FSTL4: variants seen among roughly 807,000 people sequenced by gnomAD.
FSTL4 encodes follistatin like 4.
Under a neutral mutation model 78.2 loss-of-function variants are expected in FSTL4, and 28 were observed. The ratio of observed to expected loss-of-function variants is 0.36; its 90% confidence interval spans 0.27 to 0.49. The LOEUF (loss-of-function observed/expected upper bound fraction) is 0.49, where lower values mean the gene tolerates loss of function less well. Among genes scored for constraint, FSTL4 ranks in the 20% least tolerant of loss-of-function variants. The pLI is 0.98. For missense variants in FSTL4, 922 were observed against 1,084.9 expected, an observed-to-expected ratio of 0.85 and a Z score of 2.11; for synonymous variants, 422 against 440.5, an observed-to-expected ratio of 0.96 and a Z score of 0.53.
At chr5:133,481,775 C>T (rs1054092455) in intron 3 of FSTL4, among the ~76,000 whole-genome samples, 46 of 152,104 alleles carry the variant, frequency 3.0e-4, no homozygotes, top group African/African-American at 8.9e-4. Context: ...CAGAGCAACC[C>T]GGAATTGACC....
At chr5:133,720,702 C>G in the FSTL4 span, 1 of 153,068 alleles carries the variant, frequency 6.5e-6, no homozygotes, top group Non-Finnish European at 1.5e-5. Flanking sequence ...CTTCATGCCA[C>G]TGAGGATCAT....
the FSTL4 span, among the ~76,000 whole-genome samples, chr5:133,770,414 G>C: frequency 6.6e-6 from 1 of 151,958 alleles, no homozygotes; most frequent in Non-Finnish European, 1.5e-5. Context: ...TTTAATAATA[G>C]CCATTCTGAT....
chr5:133,554,897 C>T (rs1006066791), intron 3 of FSTL4, among the ~76,000 whole-genome samples: 5 of 152,170 alleles, frequency 3.3e-5, no homozygotes, highest in African/African-American at 1.2e-4. Context: ...TGCATATTGA[C>T]GGCAGGGTCA....
At chr5:133,237,974 A>T (rs1001329634) in intron 7 of FSTL4, among the ~76,000 whole-genome samples, 2 of 152,194 alleles carry the variant, frequency 1.3e-5, no homozygotes, top group Non-Finnish European at 2.9e-5. Context: ...TTTCTGGGAA[A>T]GAGACAATTT....
chr5:133,456,686 A>T (rs1486798218), intron 3 of FSTL4, among the ~76,000 whole-genome samples: 1 of 149,512 alleles, frequency 6.7e-6, no homozygotes, highest in African/African-American at 2.6e-5. Context: ...AGTTGTACTT[A>T]AAAAAACAAA....
intron 6 of FSTL4, among the ~76,000 whole-genome samples, chr5:133,297,885 G>T (rs769696941): frequency 6.6e-6 from 1 of 152,152 alleles, no homozygotes; most frequent in Non-Finnish European, 1.5e-5. Flanking sequence ...GTGCAGCGTC[G>T]GGACCAACAG....
At chr5:133,217,091 A>G (rs1424477910) in intron 13 of FSTL4, 138 bp downstream of exon 13, 1 of 650,762 alleles carries the variant, frequency 1.5e-6, no homozygotes, top group Admixed American at 2.8e-5. Flanking sequence ...TACTTCACGA[A>G]TAATTACACA....
the FSTL4 span, among the ~76,000 whole-genome samples, chr5:133,623,921 G>A: frequency 4.0e-5 from 6 of 151,896 alleles, no homozygotes; most frequent in African/African-American, 1.2e-4. Context: ...CCACCACAAG[G>A]AAGGCTATAA....
the FSTL4 span, among the ~76,000 whole-genome samples, chr5:133,691,752 A>G: frequency 4.4e-4 from 67 of 152,032 alleles, no homozygotes; most frequent in Non-Finnish European, 7.5e-4. Flanking sequence ...TGCTCTGTAA[A>G]TAGTGTCAAC....
intron 6 of FSTL4, chr5:133,312,411 C>A (rs1217957161): frequency 9.4e-6 from 5 of 533,618 alleles, no homozygotes; most frequent in Non-Finnish European, 1.7e-5. Flanking sequence ...CAGTCCTGGG[C>A]CCCTCAAAGA....
At chr5:133,701,414 A>AAG in the FSTL4 span, among the ~76,000 whole-genome samples, 156 of 150,570 alleles carry the variant, frequency 1.0e-3, no homozygotes, top group African/African-American at 3.5e-3. Context: ...AAAAAAAAAA[A>AAG]AAAGAAAGAA....
chr5:133,580,939 C>G (rs947016509), intron 2 of FSTL4, among the ~76,000 whole-genome samples: 1 of 152,130 alleles, frequency 6.6e-6, no homozygotes, highest in African/African-American at 2.4e-5. Flanking sequence ...GAGGAACTTC[C>G]GACTCCTACC....
the FSTL4 span, among the ~76,000 whole-genome samples, chr5:133,663,223 A>C: frequency 6.6e-6 from 1 of 152,244 alleles, no homozygotes; most frequent in African/African-American, 2.4e-5. Flanking sequence ...ACACGAATAC[A>C]TATCAAAACT....
At chr5:133,822,772 C>T in the FSTL4 span, among the ~76,000 whole-genome samples, 1 of 152,176 alleles carries the variant, frequency 6.6e-6, no homozygotes, top group African/African-American at 2.4e-5. Flanking sequence ...GACCCACGAA[C>T]TCTAACGCCA....
intron 7 of FSTL4, among the ~76,000 whole-genome samples, chr5:133,237,312 C>G (rs961594478): frequency 6.6e-6 from 1 of 152,182 alleles, no homozygotes; most frequent in Non-Finnish European, 1.5e-5. Flanking sequence ...AAGCCCATCG[C>G]GCATGGATTC....
intron 2 of FSTL4, among the ~76,000 whole-genome samples, chr5:133,588,074 C>A (rs1760546079): frequency 1.2e-5 from 1 of 85,648 alleles, no homozygotes; most frequent in Admixed American, 1.3e-4. Context: ...GGAAAACTGG[C>A]TAGCCATATG....
intron 4 of FSTL4, among the ~76,000 whole-genome samples, chr5:133,326,493 T>C (rs1754215822): frequency 6.6e-6 from 1 of 152,168 alleles, no homozygotes; most frequent in Non-Finnish European, 1.5e-5. Context: ...TGTGGCGGTG[T>C]TTATGCCTGT....
chr5:133,341,566 C>A (rs1003914174), intron 4 of FSTL4, among the ~76,000 whole-genome samples: 6 of 152,144 alleles, frequency 3.9e-5, no homozygotes, highest in African/African-American at 1.4e-4. Flanking sequence ...ACCCTTCCCC[C>A]TCTCTGTCTG....
chr5:133,743,368 A>G, the FSTL4 span, among the ~76,000 whole-genome samples: 1 of 152,354 alleles, frequency 6.6e-6, no homozygotes, highest in African/African-American at 2.4e-5. Flanking sequence ...ACCTTGCAAT[A>G]TGTATAACAT....
Sources: allele counts gnomAD v4.1 joint callset (sites outside exome capture counted in the v4.1 genomes callset), GRCh38; gene constraint gnomAD v4.1.1; transcripts MANE v1.5; gene names NCBI Gene and HGNC (gene_info 2026-07-23, HGNC 2026-07-21).